EHBP1: variants seen among roughly 807,000 people sequenced by gnomAD.
EHBP1 encodes EH domain binding protein 1, also known as EH domain-binding protein 1.
A neutral mutation model predicts 144.0 loss-of-function variants in EHBP1; 55 were observed. That is an observed-to-expected ratio of 0.38 (90% CI 0.31 to 0.48). The LOEUF is 0.48. EHBP1 is among the 20% of genes least tolerant of loss of function. The pLI, the probability that EHBP1 is intolerant of heterozygous loss-of-function variation, is 0.98. For synonymous variants in EHBP1, 469 were observed against 472.7 expected, an observed-to-expected ratio of 0.99 and a Z score of 0.10; for missense variants, 1,200 against 1,364.2, an observed-to-expected ratio of 0.88 and a Z score of 1.90.
chr2:62,881,227 C>G (rs572155314), intron 10 of EHBP1, among the ~76,000 whole-genome samples: 125 of 151,920 alleles, frequency 8.2e-4, no homozygotes, highest in South Asian at 1.0e-3. Context: ...ACAATAGACA[C>G]TGGGGCCTAC....
chr2:62,711,227 T>C (rs1031004803), intron 2 of EHBP1, among the ~76,000 whole-genome samples: 3 of 152,202 alleles, frequency 2.0e-5, no homozygotes, highest in Non-Finnish European at 4.4e-5. Context: ...GTAAAATGCA[T>C]CCATTTTAAG....
chr2:62,781,039 A>G (rs1382390985), intron 5 of EHBP1, among the ~76,000 whole-genome samples: 2 of 152,190 alleles, frequency 1.3e-5, no homozygotes, highest in African/African-American at 2.4e-5. Context: ...AATAGATATC[A>G]TGTGACAGAT....
intron 10 of EHBP1, among the ~76,000 whole-genome samples, chr2:62,884,666 A>T (rs779558984): frequency 5.3e-5 from 8 of 152,258 alleles, no homozygotes; most frequent in Non-Finnish European, 1.0e-4. Context: ...AAGGCAGTAG[A>T]TTATCATCAG....
chr2:62,897,832 T>C (rs531629605), intron 10 of EHBP1, among the ~76,000 whole-genome samples: 1 of 152,344 alleles, frequency 6.6e-6, no homozygotes, highest in South Asian at 2.1e-4. Flanking sequence ...CTGTTTCCTA[T>C]AAACTACCTA....
At chr2:62,679,002 G>C (rs1300085122) in intron 1 of EHBP1, among the ~76,000 whole-genome samples, 1 of 151,856 alleles carries the variant, frequency 6.6e-6, no homozygotes, top group Non-Finnish European at 1.5e-5. Context: ...TTAATACAGA[G>C]AACCCTGAGT....
At chr2:62,897,752 A>G (rs1344249516) in intron 10 of EHBP1, among the ~76,000 whole-genome samples, 6 of 152,104 alleles carry the variant, frequency 3.9e-5, no homozygotes, top group African/African-American at 7.2e-5. Flanking sequence ...TGTTTTTCCT[A>G]TCTCCTAGAA....
rs531898076 is a variant in EHBP1, at chr2:63,041,313, T to C, written c.3277+2497T>C. 1.3e-3 allele frequency among the ~76,000 whole-genome samples: 204 copies of C among 152,344 alleles called. 1 individual carries two copies. The highest frequency in any genetic ancestry group is 3.4e-3 in the Middle Eastern group (1 of 294). On this transcript the variant is annotated intron_variant, in intron 21 of 22. Coordinates refer to ENST00000431489, the MANE Select transcript of EHBP1 (RefSeq NM_001142616.3). The stretch of plus-strand genomic sequence containing the variant: ...CTCAAGCTAACAAACATCTTTTAGA[T>C]ACTTTTCCTATAGTTTTTTTTGTTC...
intron 5 of EHBP1, among the ~76,000 whole-genome samples, chr2:62,774,189 G>C (rs1302624269): frequency 6.6e-6 from 1 of 151,972 alleles, no homozygotes; most frequent in East Asian, 1.9e-4. Context: ...TGGCCAACAT[G>C]GTGAAACAGC....
At chr2:62,972,981 A>C (rs1360100636) in intron 14 of EHBP1, among the ~76,000 whole-genome samples, 1 of 152,158 alleles carries the variant, frequency 6.6e-6, no homozygotes, top group Non-Finnish European at 1.5e-5. Flanking sequence ...TTGTGTAGAG[A>C]ACAATGATGA....
At chr2:62,809,334 C>T (rs1057115013) in intron 5 of EHBP1, among the ~76,000 whole-genome samples, 5 of 148,774 alleles carry the variant, frequency 3.4e-5, no homozygotes, top group African/African-American at 1.2e-4. Context: ...GCACAGTACC[C>T]TTGTGTTTTA....
intron 5 of EHBP1, among the ~76,000 whole-genome samples, chr2:62,791,330 G>A (rs1317287737): frequency 1.3e-5 from 2 of 151,932 alleles, no homozygotes; most frequent in Non-Finnish European, 2.9e-5. Flanking sequence ...GTTTTACTGA[G>A]GTAGATAATT....
chr2:62,901,427 C>T (rs989269203), intron 10 of EHBP1, among the ~76,000 whole-genome samples: 4 of 152,010 alleles, frequency 2.6e-5, no homozygotes, highest in Non-Finnish European at 5.9e-5. Flanking sequence ...TCAGGCTCAA[C>T]CCAACCCATC....
chr2:62,747,986 A>C (rs896318587), intron 3 of EHBP1, among the ~76,000 whole-genome samples: 1 of 152,020 alleles, frequency 6.6e-6, no homozygotes, highest in Non-Finnish European at 1.5e-5. Flanking sequence ...AGCCCTTAGA[A>C]CTGTGAGAAA....
At chr2:62,711,952 A>AT (rs35104090) in intron 2 of EHBP1, among the ~76,000 whole-genome samples, 1 of 152,194 alleles carries the variant, frequency 6.6e-6, no homozygotes, top group East Asian at 1.9e-4. Context: ...GAGTATGATG[A>AT]TTTTTTTGGA....
chr2:62,810,766 A>G (rs2044934739), intron 5 of EHBP1, among the ~76,000 whole-genome samples: 1 of 152,232 alleles, frequency 6.6e-6, no homozygotes. Context: ...CAGAACATCT[A>G]ATGGAAGCTA....
chr2:62,828,058 T>G (rs1198474492), intron 6 of EHBP1, among the ~76,000 whole-genome samples: 1 of 152,220 alleles, frequency 6.6e-6, no homozygotes, highest in Non-Finnish European at 1.5e-5. Flanking sequence ...GGTAATAACT[T>G]TTTTGCTCAT....
upstream of EHBP1, among the ~76,000 whole-genome samples, chr2:62,701,730 C>T (rs1022744902): frequency 6.6e-6 from 1 of 152,040 alleles, no homozygotes; most frequent in Admixed American, 6.6e-5. Context: ...TATTGGCCTG[C>T]CACAGTGAGA....
chr2:62,988,607 C>T (rs2059290991), intron 15 of EHBP1, among the ~76,000 whole-genome samples: 1 of 152,042 alleles, frequency 6.6e-6, no homozygotes, highest in Non-Finnish European at 1.5e-5. Context: ...TGGCAATGGA[C>T]CTTTGTAAGT....
chr2:62,815,118 A>G (rs1191308356), intron 5 of EHBP1, among the ~76,000 whole-genome samples: 2 of 152,328 alleles, frequency 1.3e-5, no homozygotes, highest in Middle Eastern at 3.4e-3. Flanking sequence ...TACTGAACCT[A>G]TGATTTACTG....
Sources: gnomAD v4.1 joint callset for allele counts (sites outside exome capture counted in the v4.1 genomes callset) on GRCh38, gnomAD v4.1.1 for gene constraint, MANE v1.5 for transcripts, NCBI Gene and HGNC (gene_info 2026-07-23, HGNC 2026-07-21) for gene names.